The following CELF2 variants were observed in gnomAD, a reference collection of about 807,000 sequenced individuals.
CELF2 encodes the protein CUGBP Elav-like family member 2.
A neutral mutation model predicts 62.6 loss-of-function variants in CELF2; 8 were observed. That is an observed-to-expected ratio of 0.13 (90% CI 0.07 to 0.23). The LOEUF is 0.23. Ranked by LOEUF, CELF2 falls within the 10% of genes least tolerant of loss-of-function variation. The probability of loss-of-function intolerance (pLI) is 1.00; values close to 1 mark genes in which losing one functional copy is unlikely to be tolerated. For missense variants in CELF2, 333 were observed against 671.0 expected, an observed-to-expected ratio of 0.50 and a Z score of 5.56; for synonymous variants, 258 against 250.0, an observed-to-expected ratio of 1.03 and a Z score of -0.30.
chr10:11,304,064 C>T (rs2093999459), intron 9 of CELF2, among the ~76,000 whole-genome samples: 1 of 152,212 alleles, frequency 6.6e-6, no homozygotes. Flanking sequence ...AAGTTACCAC[C>T]AACCTCATGG....
intron 1 of CELF2, among the ~76,000 whole-genome samples, chr10:11,060,681 T>C (rs1391027915): frequency 6.6e-6 from 1 of 152,230 alleles, no homozygotes; most frequent in Non-Finnish European, 1.5e-5. Context: ...ACCCTGTGTC[T>C]GTCTGAAATT....
At chr10:10,467,676 A>T in the CELF2 span, among the ~76,000 whole-genome samples, 63 of 152,028 alleles carry the variant, frequency 4.1e-4, no homozygotes, top group African/African-American at 1.5e-3. Context: ...TGACATGTTA[A>T]CTCTATTGAG....
chr10:11,085,289 T>C (rs982639433), intron 1 of CELF2, among the ~76,000 whole-genome samples: 1 of 152,214 alleles, frequency 6.6e-6, no homozygotes, highest in Non-Finnish European at 1.5e-5. Flanking sequence ...AGCACATCAT[T>C]GTTCAGTGGC....
At chr10:10,498,215 T>C in the CELF2 span, among the ~76,000 whole-genome samples, 1 of 152,150 alleles carries the variant, frequency 6.6e-6, no homozygotes, top group Non-Finnish European at 1.5e-5. Flanking sequence ...TTCAGGAGAA[T>C]GTCAGCTCAG....
intron 1 of CELF2, among the ~76,000 whole-genome samples, chr10:10,885,580 C>G (rs1554867419): frequency 6.6e-6 from 1 of 151,990 alleles, no homozygotes; most frequent in Non-Finnish European, 1.5e-5. Context: ...AAAAATGTCT[C>G]CATAAGCCCC....
In CELF2 at chr10:10,943,295, T is replaced by C. The variant is rs546125548; in HGVS notation, c.89+23296T>C. Among the ~76,000 whole-genome samples the C allele has an allele frequency of 2.6e-5, 4 of 152,188 alleles. No individual in the cohort carries two copies. In the South Asian group the frequency reaches 8.3e-4, roughly 32 times the overall value. On this transcript the variant is annotated intron_variant, in intron 2 of 13. Coordinates refer to the CELF2 transcript ENST00000636488. ...CTGAACCTCTAGCGTTTGGTAAGAGTATCGCTATCAAGTTGCTACCTGTGA... is the reference window on the plus strand; with the variant it reads ...CTGAACCTCTAGCGTTTGGTAAGAGCATCGCTATCAAGTTGCTACCTGTGA...
the CELF2 span, among the ~76,000 whole-genome samples, chr10:10,559,313 A>T: frequency 6.6e-6 from 1 of 152,236 alleles, no homozygotes; most frequent in Non-Finnish European, 1.5e-5. Context: ...ATTGGTAGCC[A>T]TCTGGTTTTG....
chr10:10,617,921 C>T, the CELF2 span, among the ~76,000 whole-genome samples: 35 of 152,202 alleles, frequency 2.3e-4, no homozygotes, highest in African/African-American at 8.0e-4. Flanking sequence ...TATGCTGGAA[C>T]CAGAAAGCAC....
chr10:10,617,255 T>C, the CELF2 span, among the ~76,000 whole-genome samples: 1 of 152,122 alleles, frequency 6.6e-6, no homozygotes, highest in Non-Finnish European at 1.5e-5. Context: ...GCCAAAATAA[T>C]AGTTAACATG....
the CELF2 span, among the ~76,000 whole-genome samples, chr10:10,685,836 A>G: frequency 3.3e-5 from 5 of 152,188 alleles, no homozygotes; most frequent in African/African-American, 4.8e-5. Context: ...AGTCGGGGGA[A>G]GCTGACATTT....
chr10:10,630,974 G>A, the CELF2 span, among the ~76,000 whole-genome samples: 1 of 152,164 alleles, frequency 6.6e-6, no homozygotes. Flanking sequence ...GTCATAGAGT[G>A]ACAGTTGCCA....
chr10:10,970,722 T>C (rs1217376738), intron 2 of CELF2: 1 of 152,210 alleles, frequency 6.6e-6, no homozygotes, highest in Non-Finnish European at 1.5e-5. Context: ...ACCTCTTCAT[T>C]CCAAATTAGC....
At chr10:11,151,329 T>C (rs2063296959) in intron 1 of CELF2, among the ~76,000 whole-genome samples, 1 of 152,194 alleles carries the variant, frequency 6.6e-6, no homozygotes, top group Non-Finnish European at 1.5e-5. Flanking sequence ...ACTTGAATTG[T>C]TTTTTCTTCT....
At chr10:11,151,981 A>G (rs1367933684) in intron 1 of CELF2, among the ~76,000 whole-genome samples, 2 of 152,212 alleles carry the variant, frequency 1.3e-5, no homozygotes, top group African/African-American at 4.8e-5. Flanking sequence ...GGTAAAGAGA[A>G]AAAGAAATGC....
the CELF2 span, among the ~76,000 whole-genome samples, chr10:10,670,955 C>G: frequency 2.6e-5 from 4 of 151,980 alleles, no homozygotes; most frequent in African/African-American, 9.7e-5. Context: ...ATCACTTGAG[C>G]CCAGAGTTTG....
chr10:11,282,059 T>TG (rs1201138163), intron 8 of CELF2, among the ~76,000 whole-genome samples: 48 of 152,138 alleles, frequency 3.2e-4, no homozygotes, highest in Non-Finnish European at 5.6e-4. Context: ...TATGGGGACC[T>TG]GGGGGGTAGA....
At position 11,323,674 on chromosome 10, in the gene CELF2, G is replaced by A. The variant is rs140402185; in HGVS notation, c.1295-2162G>A. On this transcript the variant is annotated intron_variant, in intron 11 of 12. Transcript: ENST00000633077. ...TTATGCCAGATCAAGTGCCCTGTGA[G>A]AGAGATAAAACATGAACACCCCAAC... Among the ~76,000 whole-genome samples the A allele has an allele frequency of 2.6e-3, 396 of 152,158 alleles. 2 individuals carry two copies. The highest frequency in any genetic ancestry group is 4.3e-3 in the Admixed American group (65 of 15,290).
chr10:10,594,937 G>T, the CELF2 span, among the ~76,000 whole-genome samples: 1 of 152,184 alleles, frequency 6.6e-6, no homozygotes, highest in Non-Finnish European at 1.5e-5. Flanking sequence ...CTCCTTAGAA[G>T]AGGTCAGAAA....
At chr10:10,821,205 A>G (rs1172223840) in intron 1 of CELF2, among the ~76,000 whole-genome samples, 2 of 152,174 alleles carry the variant, frequency 1.3e-5, no homozygotes, top group African/African-American at 4.8e-5. Context: ...CGTCCAAGGT[A>G]CCTCTAATAT....
Sources: gnomAD v4.1 joint callset for allele counts (sites outside exome capture counted in the v4.1 genomes callset) on GRCh38, gnomAD v4.1.1 for gene constraint, MANE v1.5 for transcripts, NCBI Gene and HGNC (gene_info 2026-07-23, HGNC 2026-07-21) for gene names.